Variants in LDHB observed in about 807,000 individuals in gnomAD.
LDHB encodes L-lactate dehydrogenase B chain.
In LDHB, 18 loss-of-function variants were observed where a neutral mutation model predicts 33.4. The observed-to-expected ratio is 0.54, with a 90% confidence interval of 0.37 to 0.80. LDHB has a LOEUF of 0.80. LDHB is among the 30% of genes least tolerant of loss of function. The pLI, the probability that LDHB is intolerant of heterozygous loss-of-function variation, is 0.00. For synonymous variants in LDHB, 121 were observed against 140.6 expected (o/e 0.86, Z 0.98); for missense variants, 345 against 407.9 (o/e 0.85, Z 1.33).
chr12:21,638,230 G>T, intron 6 of LDHB, 123 bp downstream of exon 6: 1 of 690,144 alleles, frequency 1.4e-6, no homozygotes. Context: ...AGTTTCAAAA[G>T]ATAACAGCTG....
Position 21,635,835 on chromosome 12 carries a change from C to T in LDHB, c.838-126G>A, listed in dbSNP as rs927027507. On this transcript the variant is annotated intron_variant, in intron 7 of 7. Coordinates refer to ENST00000350669, the MANE Select transcript of LDHB (RefSeq NM_002300.8). ...TTGAAGCTTCAGTGAGCTATGACAG[C>T]GGTACTACTCTCCAGCCTGGGTGAC... 19 of 780,296 alleles carry T rather than the reference C, an allele frequency of 2.4e-5. 1 individual carries two copies. Among genetic ancestry groups the T allele is most frequent in the Admixed American group, 8.0e-5 (4 of 50,070 alleles). The allele number at this position is 780,296 out of a possible 1,614,324, so 48.3% of individuals were successfully genotyped here. A position where few individuals can be genotyped will look rare whatever the true frequency, so the allele number is the denominator to read the frequency against.
At chr12:21,656,900 CT>C (rs1280510848) in intron 1 of LDHB, 4 of 152,184 alleles carry the variant, frequency 2.6e-5, no homozygotes, top group African/African-American at 9.7e-5. Flanking sequence ...CAAAGATCTT[CT>C]TTGCAGAATC....
rs368057060 is a variant in LDHB, at chr12:21,642,190, G to A, written c.422-65C>T. 56 of 1,192,024 alleles carry A rather than the reference G, an allele frequency of 4.7e-5. 1 individual carries two copies. Among genetic ancestry groups the A allele is most frequent in the East Asian group, 1.9e-4 (8 of 42,214 alleles). The allele number at this position is 1,192,024 out of a possible 1,614,324, so 73.8% of individuals were successfully genotyped here. On this transcript the variant is annotated intron_variant, in intron 4 of 7. Transcript: ENST00000350669. ...CCAACTTCAACTGTTAGGCAGCTTGGGGTGCCCTGGCTTCCCTTTTCCCAC... is the reference window on the plus strand; with the variant it reads ...CCAACTTCAACTGTTAGGCAGCTTGAGGTGCCCTGGCTTCCCTTTTCCCAC...
intron 7 of LDHB, among the ~76,000 whole-genome samples, chr12:21,636,228 A>G (rs1938212604): frequency 6.6e-6 from 1 of 151,904 alleles, no homozygotes; most frequent in South Asian, 2.1e-4. Context: ...TGAAATTTTA[A>G]GTTGCTTAAA....
At chr12:21,643,719 A>G in intron 4 of LDHB, 1 of 539,894 alleles carries the variant, frequency 1.9e-6, no homozygotes, top group Non-Finnish European at 3.3e-6. Context: ...AAAACATGAA[A>G]TTGCTTTAGC....
chr12:21,642,527 G>A (rs1326608362), intron 4 of LDHB, among the ~76,000 whole-genome samples: 3 of 151,994 alleles, frequency 2.0e-5, no homozygotes, highest in Non-Finnish European at 4.4e-5. Context: ...AAACCAAGAA[G>A]CCTTTGATTA....
At chr12:21,643,772 A>C (rs1938436030) in intron 4 of LDHB, 163 bp downstream of exon 4, 7 of 627,408 alleles carry the variant, frequency 1.1e-5, no homozygotes, top group South Asian at 1.9e-5. Context: ...CCTGGGACAG[A>C]GGCATTTGTT....
At chr12:21,637,448 A>C (rs770822378) in intron 6 of LDHB, 6 of 336,184 alleles carry the variant, frequency 1.8e-5, no homozygotes, top group Non-Finnish European at 3.3e-5. Context: ...AGATTTATAA[A>C]GTCACTGTGG....
At chr12:21,645,387 G>C (rs925155857) in intron 3 of LDHB, among the ~76,000 whole-genome samples, 24 of 152,254 alleles carry the variant, frequency 1.6e-4, no homozygotes, top group Admixed American at 1.4e-3. Context: ...CACTGGTAAA[G>C]GGTCTGTGCC....
chr12:21,644,347 G>A (rs1938454887), intron 3 of LDHB, among the ~76,000 whole-genome samples: 3 of 145,342 alleles, frequency 2.1e-5, no homozygotes, highest in Non-Finnish European at 4.5e-5. Context: ...TGACCCGAAA[G>A]TATGTTTTTG....
chr12:21,635,769 G>A, intron 7 of LDHB, 60 bp from the exon 8 acceptor site: 1 of 1,507,952 alleles, frequency 6.6e-7, no homozygotes, highest in Non-Finnish European at 9.2e-7. Context: ...AATGATCAAA[G>A]ACAGGAGGCT....
At chr12:21,638,203 A>C (rs1411541408) in intron 6 of LDHB, 150 bp downstream of exon 6, 3 of 613,582 alleles carry the variant, frequency 4.9e-6, no homozygotes, top group Non-Finnish European at 8.7e-6. Context: ...AAGTTTGACC[A>C]GTGTAAAAGT....
intron 5 of LDHB, among the ~76,000 whole-genome samples, chr12:21,640,663 C>T (rs1244420237): frequency 6.6e-6 from 1 of 151,774 alleles, no homozygotes; most frequent in Non-Finnish European, 1.5e-5. Flanking sequence ...AAAGATATAC[C>T]AGTAGCACAA....
intron 1 of LDHB, among the ~76,000 whole-genome samples, chr12:21,656,782 G>C (rs543231304): frequency 2.0e-5 from 3 of 152,298 alleles, no homozygotes; most frequent in African/African-American, 7.2e-5. Context: ...CAGGCTGTAA[G>C]GAACAAGAAC....
rs114026979 is a variant in LDHB, at chr12:21,642,755, A to G, written c.422-630T>C. Among the ~76,000 whole-genome samples the G allele has an allele frequency of 2.9e-3, 448 of 152,344 alleles. 3 individuals carry two copies. Among genetic ancestry groups the G allele is most frequent in the African/African-American group, 0.01 (427 of 41,586 alleles). On this transcript the variant is annotated intron_variant, in intron 4 of 7. Transcript: ENST00000350669. ...ACTTGCAGGCTAAGCTGTAAAAAGT[A>G]AAAAATGTGCACACAAGGAAGGTGA...
Position 21,644,020 on chromosome 12 carries a change from C to T in LDHB, c.336G>A (p.Gln112=), listed in dbSNP as rs1221135669. 6.2e-7 allele frequency: 1 copy of T among 1,612,474 alleles called. No homozygotes were observed. The highest frequency in any genetic ancestry group is 8.5e-7 in the Non-Finnish European group (1 of 1,178,522). Residue 112 remains glutamine (Q), a synonymous_variant, in exon 4 of 8, where the codon CAG becomes CAA. Transcript: ENST00000350669. ...TGAATTTGAAGACATTAACATTTCTCTGCACCAGATTGAGCCGACTCTCCC... is the reference window on the plus strand; with the variant it reads ...TGAATTTGAAGACATTAACATTTCTTTGCACCAGATTGAGCCGACTCTCCC... ...QEGESRLNLV[Q]RNVNVFKFII... is the part of the protein sequence containing the mutation.
At chr12:21,639,349 G>A (rs1473609268) in intron 5 of LDHB, among the ~76,000 whole-genome samples, 3 of 151,862 alleles carry the variant, frequency 2.0e-5, no homozygotes, top group Non-Finnish European at 4.4e-5. Flanking sequence ...TAGAACATTG[G>A]ACGGGAATCA....
At chr12:21,644,435 A>AAAAC (rs1555165024) in intron 3 of LDHB, among the ~76,000 whole-genome samples, 3 of 4,632 alleles carry the variant, frequency 6.5e-4, no homozygotes, top group South Asian at 0.017. Context: ...AAAAAAAAAA[A>AAAAC]AAAAAAAAAA....
Position 21,637,177 on chromosome 12 carries a change from T to C in LDHB, c.731A>G (p.Lys244Arg). ...AGCCCAGTTGGTATATCCTTTTAGCTTGATGACTTCATAGGCACTTAAAAA... is the reference window on the plus strand; with the variant it reads ...AGCCCAGTTGGTATATCCTTTTAGCCTGATGACTTCATAGGCACTTAAAAA... ...MVVESAYEVI[K>R]LKGYTNWAIG... The change falls in exon 7 of 8, where the codon AAG becomes AGG. Residue 244 changes from lysine (K) to arginine (R), a missense_variant. Coordinates refer to ENST00000350669, the MANE Select transcript of LDHB (RefSeq NM_002300.8). The C allele has an allele frequency of 6.2e-7, 1 of 1,602,326 alleles. No homozygotes were observed. The highest frequency in any genetic ancestry group is 8.5e-7 in the Non-Finnish European group (1 of 1,170,464).
Sources: gnomAD v4.1 joint callset for allele counts (sites outside exome capture counted in the v4.1 genomes callset) on GRCh38, gnomAD v4.1.1 for gene constraint, MANE v1.5 for transcripts, NCBI Gene and HGNC (gene_info 2026-07-23, HGNC 2026-07-21) for gene names.